Variants in ZFHX2 observed in about 807,000 individuals in gnomAD.
The protein encoded by ZFHX2 is zinc finger homeobox 2.
ZFHX2 carries 75 observed loss-of-function variants against 164.8 expected under a neutral mutation model. The observed-to-expected ratio is 0.46, with a 90% CI of 0.38 to 0.55. The LOEUF (loss-of-function observed/expected upper bound fraction) is 0.55, where lower values mean the gene tolerates loss of function less well. Ranked by LOEUF, ZFHX2 falls within the 20% of genes least tolerant of loss-of-function variation. The pLI is 0.00. For missense variants in ZFHX2, 2,933 were observed against 3,308.0 expected, an observed-to-expected ratio of 0.89 and a Z score of 2.78; for synonymous variants, 1,217 against 1,351.4, an observed-to-expected ratio of 0.90 and a Z score of 2.18.
chr14:23,554,243 T>C (rs1882181051), upstream of ZFHX2, among the ~76,000 whole-genome samples: 1 of 152,132 alleles, frequency 6.6e-6, no homozygotes, highest in African/African-American at 2.4e-5. Flanking sequence ...CATCCCAGGT[T>C]AACAAAACCG....
chr14:23,537,110 C>T (rs1880247417), intron 1 of ZFHX2, among the ~76,000 whole-genome samples: 1 of 151,680 alleles, frequency 6.6e-6, no homozygotes, highest in Admixed American at 6.6e-5. Context: ...ATCGGGACTG[C>T]ACCATCGTAC....
Position 23,532,743 on chromosome 14 carries a change from C to T in ZFHX2, c.2383G>A (p.Gly795Arg). 1 of 1,536,108 alleles carries T rather than the reference C, an allele frequency of 6.5e-7. No individual in the cohort carries two copies. Residue 795 changes from glycine to arginine, a missense_variant, in exon 3 of 10, where the codon GGG becomes AGG. Coordinates refer to ENST00000419474, the MANE Select transcript of ZFHX2 (RefSeq NM_033400.3). ...GAAGGGGTGCCCATGGCTCCACCCC[C>T]CTCCCGCAGGTGGGCTGCCAGCTGG... ...KYQLAAHLRE[G>R]GGAMGTPSPA...
At chr14:23,529,811 TC>T (rs1374127534) in intron 5 of ZFHX2, 43 bp from the exon 6 acceptor site, 2 of 1,522,374 alleles carry the variant, frequency 1.3e-6, no homozygotes, top group African/African-American at 2.8e-5. Flanking sequence ...CTGACAGCCC[TC>T]AAGATGATTT....
intron 1 of ZFHX2, among the ~76,000 whole-genome samples, chr14:23,549,186 T>A (rs1021440705): frequency 6.6e-6 from 1 of 152,202 alleles, no homozygotes; most frequent in South Asian, 2.1e-4. Flanking sequence ...TTTGTTTCAT[T>A]CTTCCAATTT....
rs1037979262 is a variant in ZFHX2, at chr14:23,520,911, T to C, written c.*1051A>G. 2.6e-5 allele frequency: 4 copies of C among 152,158 alleles called. No individual in the cohort carries two copies. The highest frequency in any genetic ancestry group is 5.9e-5 in the Non-Finnish European group (4 of 68,020). 9.4% of individuals were successfully genotyped at this position (152,158 alleles called of 1,614,324 possible). Reference sequence around the variant, plus strand: ...TTCTGTATTTTCCAAGTTTACGTTTTTCTTTAGTTCATTCCTCTGGTGTCC... The same window carrying C: ...TTCTGTATTTTCCAAGTTTACGTTTCTCTTTAGTTCATTCCTCTGGTGTCC... On this transcript the variant is annotated 3_prime_UTR_variant, in exon 10 of 10. Coordinates refer to ENST00000419474, the MANE Select transcript of ZFHX2 (RefSeq NM_033400.3). The surrounding 1 kb of genome is among the most constrained non-coding windows in gnomAD (Gnocchi z 8.7).
At position 23,526,029 on chromosome 14, in the gene ZFHX2, C is replaced by A. The variant is rs1159161273; in HGVS notation, c.3913G>T (p.Gly1305Cys). The A allele has an allele frequency of 1.3e-6, 2 of 1,535,816 alleles. No individual in the cohort carries two copies. Among genetic ancestry groups the A allele is most frequent in the Non-Finnish European group, 1.7e-6 (2 of 1,146,672 alleles). Residue 1305 changes from glycine (G) to cysteine (C), a missense_variant, in exon 9 of 10, where the codon GGC (glycine) becomes TGC (cysteine). By Grantham distance (159) the Gly-to-Cys change is radical. Transcript: ENST00000419474. ...GTGTCAGGGCCCTTCTTCTCAGTGC[C>A]CACCTCCCCCTCTGTCTCGCCTTCC... ...PKEGETEGEV[G>C]TEKKGPDTSG... is the part of the protein sequence containing the mutation.
In ZFHX2 at chr14:23,534,897, G is replaced by A; in HGVS notation, c.429C>T (p.Pro143=). 6.5e-7 allele frequency: 1 copy of A among 1,536,148 alleles called. No homozygotes were observed. The highest frequency in any genetic ancestry group is 8.7e-7 in the Non-Finnish European group (1 of 1,146,898). The change falls in exon 2 of 10, where the codon CCC becomes CCT. Residue 143 remains proline, a synonymous_variant. Coordinates refer to ENST00000419474, the MANE Select transcript of ZFHX2 (RefSeq NM_033400.3). The surrounding 1 kb of genome is among the most constrained non-coding windows in gnomAD (Gnocchi z 4.5). ...CTTCCTTGATGCCCGCCTCACCCCA[G>A]GGGAAGCCCTTTGGTAACAGGAGTT... The part of the protein sequence containing the change: ...GSELLLPKGF[P]WGEAGIKEEP...
intron 1 of ZFHX2, among the ~76,000 whole-genome samples, chr14:23,550,955 C>T (rs552256911): frequency 1.3e-5 from 2 of 152,014 alleles, no homozygotes; most frequent in African/African-American, 2.4e-5. Context: ...TCACACTCAC[C>T]GGGCCTCCCC....
chr14:23,555,378 C>G (rs997369956), upstream of ZFHX2, among the ~76,000 whole-genome samples: 1 of 152,212 alleles, frequency 6.6e-6, no homozygotes, highest in African/African-American at 2.4e-5. Context: ...TGACAAACTC[C>G]TCAGTCTAGC....
rs1240425849 is a variant in ZFHX2, at chr14:23,546,607, G to A, written c.-50+4736C>T. Among the ~76,000 whole-genome samples, 8 of 152,272 alleles carry A rather than the reference G, an allele frequency of 5.3e-5. No homozygotes were observed. In the East Asian group the frequency reaches 1.5e-3, roughly 29 times the overall value. ...CTTCTAAATCTTTCACCCCTGCCTT[G>A]CCAGCCTGGGGAGGAGGGATGGGCA... On this transcript the variant is annotated intron_variant, in intron 1 of 9. Transcript: ENST00000419474. This position sits in a 1 kb window ranked among gnomAD's most constrained non-coding sequence, Gnocchi z 4.7.
intron 1 of ZFHX2, among the ~76,000 whole-genome samples, chr14:23,549,011 CCTT>C (rs1566596492): frequency 1.3e-5 from 2 of 152,122 alleles, no homozygotes; most frequent in African/African-American, 4.8e-5. Context: ...CATCCATTTA[CCTT>C]CTTTGTACCA....
At position 23,551,680 on chromosome 14, in the gene ZFHX2, C is replaced by A; in HGVS notation, c.-387G>T. The A allele has an allele frequency of 6.4e-6, 1 of 155,762 alleles. No homozygotes were observed. 9.6% of individuals were successfully genotyped at this position (155,762 alleles called of 1,614,324 possible). On this transcript the variant is annotated 5_prime_UTR_variant, in exon 1 of 10. The change creates a premature stop within an existing upstream ORF in the 5' untranslated region. Transcript: ENST00000419474. This position sits in a 1 kb window ranked among gnomAD's most constrained non-coding sequence, Gnocchi z 5.3. ...TCCTCCTCCTCCTCCTCCTTCTCCT[C>A]CTCGCCCTCCTCCTCCTCCTCCTCC...
rs1881368976 is a variant in ZFHX2, at chr14:23,546,229, C to CA, written c.-50+5113dup. Among the ~76,000 whole-genome samples, 1 of 152,190 alleles carries CA rather than the reference C, an allele frequency of 6.6e-6. No homozygotes were observed. Among genetic ancestry groups the CA allele is most frequent in the African/African-American group, 2.4e-5 (1 of 41,448 alleles). ...CTTTCTGATTGCACAGGCCCCTGTGCATGCGACATTCCAGTTGATGGTCCT... is the reference window on the plus strand; with the variant it reads ...CTTTCTGATTGCACAGGCCCCTGTGCAATGCGACATTCCAGTTGATGGTCCT... On this transcript the variant is annotated intron_variant, in intron 1 of 9. Transcript: ENST00000419474. The surrounding 1 kb of genome is among the most constrained non-coding windows in gnomAD (Gnocchi z 4.7).
At chr14:23,526,994 G>A in intron 7 of ZFHX2, 21 bp from the exon 8 acceptor site, 1 of 1,487,082 alleles carries the variant, frequency 6.7e-7, no homozygotes, top group Non-Finnish European at 8.9e-7. Flanking sequence ...AAAAAGCCTA[G>A]TGGCTTCACC....
intron 1 of ZFHX2, among the ~76,000 whole-genome samples, chr14:23,541,280 G>A (rs1395935384): frequency 2.0e-5 from 3 of 149,632 alleles, no homozygotes; most frequent in Non-Finnish European, 3.0e-5. Flanking sequence ...AATCTTAGAT[G>A]GACAGGATTT....
intron 6 of ZFHX2, chr14:23,529,446 C>T: frequency 4.2e-6 from 2 of 474,816 alleles, no homozygotes; most frequent in Non-Finnish European, 7.7e-6. Flanking sequence ...TTCCTACTCT[C>T]AGCACAATTC....
Position 23,534,989 on chromosome 14 carries a change from G to C in ZFHX2, c.337C>G (p.His113Asp). 6.5e-7 allele frequency: 1 copy of C among 1,536,160 alleles called. No individual in the cohort carries two copies. Among genetic ancestry groups the C allele is most frequent in the Non-Finnish European group, 8.7e-7 (1 of 1,146,914 alleles). Residue 113 changes from histidine (H) to aspartate (D), a missense_variant, in exon 2 of 10, where the codon CAC (histidine) becomes GAC (aspartate). Transcript: ENST00000419474. The surrounding 1 kb of genome is among the most constrained non-coding windows in gnomAD (Gnocchi z 4.5). ...EGLPPMDLSN[H>D]LFFTAGGEAY... ...TCACCTCCAGCTGTGAAGAATAAGT[G>C]GTTGCTTAGGTCCATGGGAGGGAGC... is the stretch of plus-strand genomic sequence containing the variant.
Position 23,533,312 on chromosome 14 carries a change from C to CAAG in ZFHX2, c.2013_2014insCTT (p.Gly671_Ala672insLeu). On this transcript the variant is annotated inframe_insertion, in exon 2 of 10. Coordinates refer to ENST00000419474, the MANE Select transcript of ZFHX2 (RefSeq NM_033400.3). The surrounding 1 kb of genome is among the most constrained non-coding windows in gnomAD (Gnocchi z 4.8). ...GATGTGGGGAACTTGCGGGCAGGTG[C>CAAG]TCCTACGTGGTGGAAACCATTGAGA... The CAAG allele has an allele frequency of 7.0e-6, 10 of 1,437,790 alleles. No individual in the cohort carries two copies. Among genetic ancestry groups the CAAG allele is most frequent in the Non-Finnish European group, 8.2e-6 (9 of 1,100,108 alleles). The allele number at this position is 1,437,790 out of a possible 1,614,324, so 89.1% of individuals were successfully genotyped here.
Position 23,526,203 on chromosome 14 carries a change from G to A in ZFHX2, c.3739C>T (p.Pro1247Ser). ...ACTCTGCAGACTGTGCACTTAAAGG[G>A]CTTGTCTGTGGCAGCAGTGGTGGTG... Reference protein sequence around the residue: ...PPTTTAATDKPFKCTVCRVSY... With the variant: ...PPTTTAATDKSFKCTVCRVSY... The change falls in exon 9 of 10, where the codon CCC (proline) becomes TCC (serine). Residue 1247 changes from proline (P) to serine (S), a missense_variant. Transcript: ENST00000419474. The A allele has an allele frequency of 2.6e-6, 4 of 1,536,532 alleles. No individual in the cohort carries two copies. Among genetic ancestry groups the A allele is most frequent in the Non-Finnish European group, 3.5e-6 (4 of 1,146,938 alleles).
Sources: allele counts gnomAD v4.1 joint callset (sites outside exome capture counted in the v4.1 genomes callset), GRCh38; gene constraint gnomAD v4.1.1; non-coding constraint Gnocchi (gnomAD v3.1); transcripts MANE v1.5; gene names NCBI Gene and HGNC (gene_info 2026-07-23, HGNC 2026-07-21).